STAG1: variants seen among roughly 807,000 people sequenced by gnomAD.
STAG1 encodes the protein cohesin subunit SA-1.
Under a neutral mutation model 170.9 loss-of-function variants are expected in STAG1, and 26 were observed. That is an observed-to-expected ratio of 0.15 (90% CI 0.11 to 0.21). The LOEUF is 0.21. Among genes scored for constraint, STAG1 ranks in the 10% least tolerant of loss-of-function variants. The probability of loss-of-function intolerance (pLI) is 1.00; values close to 1 mark genes in which losing one functional copy is unlikely to be tolerated. For synonymous variants in STAG1, 514 were observed against 497.7 expected (o/e 1.03, Z -0.44); for missense variants, 964 against 1,509.5 (o/e 0.64, Z 5.99).
chr3:136,524,498 G>A (rs1934883552), intron 6 of STAG1, among the ~76,000 whole-genome samples: 1 of 152,148 alleles, frequency 6.6e-6, no homozygotes, highest in Non-Finnish European at 1.5e-5. Context: ...ATTTTGGGCT[G>A]AGACAATGGG....
chr3:136,444,525 T>C (rs2088720416), intron 14 of STAG1, among the ~76,000 whole-genome samples: 1 of 152,230 alleles, frequency 6.6e-6, no homozygotes, highest in Non-Finnish European at 1.5e-5. Context: ...TAAACAGTCC[T>C]GGTAATCAGT....
intron 13 of STAG1, among the ~76,000 whole-genome samples, chr3:136,454,542 C>A (rs1576481626): frequency 6.7e-6 from 1 of 149,518 alleles, no homozygotes; most frequent in East Asian, 2.0e-4. Flanking sequence ...CCATGCCAGG[C>A]CAATTTTTTG....
chr3:136,440,147 CT>C (rs555958561), intron 15 of STAG1, among the ~76,000 whole-genome samples: 1 of 151,526 alleles, frequency 6.6e-6, no homozygotes. Flanking sequence ...TTATTTTTTT[CT>C]TTTTTTTGAG....
intron 1 of STAG1, among the ~76,000 whole-genome samples, chr3:136,710,451 A>G (rs1943352323): frequency 6.6e-6 from 1 of 152,192 alleles, no homozygotes; most frequent in Non-Finnish European, 1.5e-5. Context: ...TTCAGAAATA[A>G]GCATTTTTCT....
intron 12 of STAG1, among the ~76,000 whole-genome samples, chr3:136,467,750 T>C (rs1008558202): frequency 2.0e-5 from 3 of 152,142 alleles, no homozygotes; most frequent in Non-Finnish European, 2.9e-5. Context: ...ATTGACCACA[T>C]AGTTGGAAGT....
intron 1 of STAG1, among the ~76,000 whole-genome samples, chr3:136,663,310 T>C (rs1941640792): frequency 6.6e-6 from 1 of 152,112 alleles, no homozygotes; most frequent in Non-Finnish European, 1.5e-5. Flanking sequence ...AACATTTAAC[T>C]CTCACAACAA....
intron 22 of STAG1, among the ~76,000 whole-genome samples, chr3:136,392,765 C>CAAA (rs71157377): frequency 6.8e-4 from 63 of 93,178 alleles, no homozygotes; most frequent in Non-Finnish European, 7.6e-4. Flanking sequence ...GGCTCCGTCT[C>CAAA]AAAAAAAAAA....
chr3:136,669,951 G>T (rs960064546), intron 1 of STAG1, among the ~76,000 whole-genome samples: 2 of 152,080 alleles, frequency 1.3e-5, no homozygotes, highest in African/African-American at 4.8e-5. Context: ...GCTACTAATT[G>T]GTAACACACA....
chr3:136,709,371 T>C (rs1943322080), intron 1 of STAG1, among the ~76,000 whole-genome samples: 2 of 152,240 alleles, frequency 1.3e-5, no homozygotes, highest in South Asian at 4.2e-4. Context: ...GACAAATTTA[T>C]TATATAGGAA....
chr3:136,743,881 T>C (rs1041113140), intron 1 of STAG1, among the ~76,000 whole-genome samples: 2 of 152,206 alleles, frequency 1.3e-5, no homozygotes, highest in South Asian at 2.1e-4. Context: ...TGTGACCAAG[T>C]TGGCTTATCC....
At chr3:136,684,421 A>G (rs1942439199) in intron 1 of STAG1, among the ~76,000 whole-genome samples, 1 of 152,054 alleles carries the variant, frequency 6.6e-6, no homozygotes, top group Non-Finnish European at 1.5e-5. Flanking sequence ...AAGGTAATAC[A>G]ATGAAGAAAA....
chr3:136,553,933 C>T (rs1412205505), intron 5 of STAG1, among the ~76,000 whole-genome samples: 3 of 151,610 alleles, frequency 2.0e-5, no homozygotes, highest in Admixed American at 1.3e-4. Context: ...GTATTAAATG[C>T]AAAAGGGACT....
At chr3:136,502,485 C>A in intron 8 of STAG1, 143 bp downstream of exon 8, 1 of 839,146 alleles carries the variant, frequency 1.2e-6, no homozygotes, top group Non-Finnish European at 1.8e-6. Context: ...ATGAACACTC[C>A]AGCTTCATTT....
At position 136,736,793 on chromosome 3, in the gene STAG1, T is replaced by G; in HGVS notation, c.-84+15402A>C. The G allele has an allele frequency of 1.9e-6, 3 of 1,590,338 alleles. No individual in the cohort carries two copies. In the South Asian group the frequency reaches 3.3e-5, roughly 18 times the overall value. On this transcript the variant is annotated intron_variant, in intron 1 of 33. Transcript: ENST00000383202. ...TACAGCTTGTTTGAACAGCTCAGGA[T>G]CATCCTCCTCTACAATTGTAGGTTT...
intron 13 of STAG1, among the ~76,000 whole-genome samples, chr3:136,454,242 C>G (rs1225895421): frequency 6.6e-6 from 1 of 151,992 alleles, no homozygotes; most frequent in Non-Finnish European, 1.5e-5. Flanking sequence ...CCATGCCCAG[C>G]TAATTTTTGT....
At chr3:136,431,209 C>T (rs767853355) in intron 16 of STAG1, among the ~76,000 whole-genome samples, 5 of 151,594 alleles carry the variant, frequency 3.3e-5, no homozygotes, top group Non-Finnish European at 5.9e-5. Flanking sequence ...CAGCCCATTC[C>T]TTCTTTTTTC....
At chr3:136,419,921 A>T (rs527384652) in intron 20 of STAG1, among the ~76,000 whole-genome samples, 31 of 152,174 alleles carry the variant, frequency 2.0e-4, no homozygotes, top group Non-Finnish European at 4.4e-4. Context: ...TGATAGCTAA[A>T]TCATTACAGT....
chr3:136,452,273 T>A (rs2088965732), intron 13 of STAG1, 126 bp from the exon 14 acceptor site: 2 of 637,556 alleles, frequency 3.1e-6, no homozygotes, highest in Non-Finnish European at 5.6e-6. Context: ...AGAACGAGCA[T>A]CAGAGATCAG....
chr3:136,605,167 G>A (rs1423989146), intron 3 of STAG1, among the ~76,000 whole-genome samples: 1 of 152,092 alleles, frequency 6.6e-6, no homozygotes, highest in Admixed American at 6.6e-5. Context: ...CAACAAATAT[G>A]CTGAACGTAT....
Sources: allele counts gnomAD v4.1 joint callset (sites outside exome capture counted in the v4.1 genomes callset), GRCh38; gene constraint gnomAD v4.1.1; transcripts MANE v1.5; gene names NCBI Gene and HGNC (gene_info 2026-07-23, HGNC 2026-07-21).